Variants in ABCC5 observed in about 807,000 individuals in gnomAD.
ABCC5 encodes ATP-binding cassette sub-family C member 5.
ABCC5 carries 61 observed loss-of-function variants against 160.9 expected under a neutral mutation model. That is an observed-to-expected ratio of 0.38 (90% CI 0.31 to 0.47). The LOEUF (loss-of-function observed/expected upper bound fraction) is 0.47. Ranked by LOEUF, ABCC5 falls within the 20% of genes least tolerant of loss-of-function variation. The pLI, the probability that ABCC5 is intolerant of heterozygous loss-of-function variation, is 0.99. For synonymous variants in ABCC5, 666 were observed against 700.6 expected (o/e 0.95, Z 0.78); for missense variants, 1,308 against 1,813.3 (o/e 0.72, Z 5.06).
chr3:183,968,864 C>T (rs1367272981), intron 11 of ABCC5, among the ~76,000 whole-genome samples: 1 of 152,192 alleles, frequency 6.6e-6, no homozygotes, highest in Non-Finnish European at 1.5e-5. Context: ...GTGACTTAAC[C>T]TAATACTGTG....
intron 2 of ABCC5, among the ~76,000 whole-genome samples, chr3:184,000,084 C>T (rs1328229925): frequency 4.0e-5 from 6 of 151,734 alleles, no homozygotes; most frequent in Admixed American, 2.6e-4. Context: ...AGTGGCTGGG[C>T]GCGGCGGCTC....
chr3:183,994,617 G>A (rs531178237), intron 2 of ABCC5, among the ~76,000 whole-genome samples: 17 of 152,204 alleles, frequency 1.1e-4, no homozygotes, highest in South Asian at 8.3e-4. Flanking sequence ...CTAGTGATCC[G>A]CCTGCCTTGG....
chr3:183,973,454 C>T (rs146403988), intron 10 of ABCC5, among the ~76,000 whole-genome samples: 3 of 152,148 alleles, frequency 2.0e-5, no homozygotes, highest in South Asian at 2.1e-4. Flanking sequence ...TTAAACATTA[C>T]AAAATCTTTA....
intron 5 of ABCC5, 36 bp from the exon 6 acceptor site, chr3:183,983,043 C>T (rs577005814): frequency 9.8e-6 from 15 of 1,532,166 alleles, no homozygotes; most frequent in East Asian, 2.3e-5. Context: ...TCAACATCTC[C>T]ACGGCACTCA....
chr3:184,009,722 C>A (rs1721537385), intron 2 of ABCC5, among the ~76,000 whole-genome samples: 1 of 152,118 alleles, frequency 6.6e-6, no homozygotes, highest in Non-Finnish European at 1.5e-5. Context: ...CTTGAATAAA[C>A]CTATGGGCTT....
chr3:184,011,538 C>A (rs1721743740), intron 2 of ABCC5: 1 of 152,164 alleles, frequency 6.6e-6, no homozygotes, highest in African/African-American at 2.4e-5. Context: ...CCAGCAAGCG[C>A]AGTCCTGGGC....
In ABCC5 at chr3:184,008,628, A is replaced by G. The variant is rs75618758; in HGVS notation, c.129+5636T>C. Among the ~76,000 whole-genome samples, 646 of 152,386 alleles carry G rather than the reference A, an allele frequency of 4.2e-3. 6 individuals carry two copies. Among genetic ancestry groups the G allele is most frequent in the African/African-American group, 0.015 (620 of 41,594 alleles). On this transcript the variant is annotated intron_variant, in intron 2 of 29. Coordinates refer to ENST00000334444, the MANE Select transcript of ABCC5 (RefSeq NM_005688.4). ...TTTATTTCAACCCTAATTATTTCTA[A>G]GCATACGTGAGAAATTATAAATATT... is the stretch of plus-strand genomic sequence containing the variant.
At chr3:183,964,880 C>T (rs1194714582) in intron 14 of ABCC5, among the ~76,000 whole-genome samples, 1 of 152,202 alleles carries the variant, frequency 6.6e-6, no homozygotes, top group Non-Finnish European at 1.5e-5. Context: ...AAGGAAGATG[C>T]TCAACATGCA....
At chr3:183,977,972 C>T (rs2108846597) in intron 9 of ABCC5, among the ~76,000 whole-genome samples, 1 of 152,268 alleles carries the variant, frequency 6.6e-6, no homozygotes, top group Admixed American at 6.5e-5. Flanking sequence ...AGGCTGGTCT[C>T]AAACTTCTGA....
At chr3:183,924,470 A>G (rs766103806) in intron 29 of ABCC5, among the ~76,000 whole-genome samples, 2 of 152,240 alleles carry the variant, frequency 1.3e-5, no homozygotes, top group African/African-American at 2.4e-5. Context: ...GACACACAGT[A>G]AACATTCAGT....
Position 183,963,445 on chromosome 3 carries a change from A to G in ABCC5, c.2175T>C (p.Asn725=). 5 of 1,614,250 alleles carry G rather than the reference A, an allele frequency of 3.1e-6. No homozygotes were observed. The highest frequency in any genetic ancestry group is 2.5e-6 in the Non-Finnish European group (3 of 1,180,042). ...ACTTGAGATGTTTCCGGATAGCACT[A>G]TTGAAGATGTGGTTGCCCACATGGG... ...LDAHVGNHIF[N]SAIRKHLKSK... Residue 725 remains asparagine (N), a synonymous_variant, in exon 15 of 30, where the codon AAT becomes AAC. Transcript: ENST00000334444. The surrounding 1 kb of genome is among the most constrained non-coding windows in gnomAD (Gnocchi z 4.6).
intron 3 of ABCC5, 107 bp downstream of exon 3, chr3:183,989,119 C>T (rs377308516): frequency 3.1e-5 from 37 of 1,175,196 alleles, no homozygotes; most frequent in Middle Eastern, 4.9e-4. Context: ...TGCAGTGAGC[C>T]GAGATCATGC....
At chr3:183,996,354 T>C (rs1720284975) in intron 2 of ABCC5, among the ~76,000 whole-genome samples, 1 of 152,210 alleles carries the variant, frequency 6.6e-6, no homozygotes, top group South Asian at 2.1e-4. Context: ...TTTCATTTTC[T>C]TCATTTCTAA....
At position 183,921,437 on chromosome 3, in the gene ABCC5, TG is replaced by T; in HGVS notation, c.4213-37del. On this transcript the variant is annotated intron_variant, in intron 29 of 29. Transcript: ENST00000334444. This position sits in a 1 kb window ranked among gnomAD's most constrained non-coding sequence, Gnocchi z 4.1. Reference sequence around the variant, plus strand: ...AGGAGACGCCGTCAGGACACAGCTCTGGGTCATGCAGGGTGATTCAGAGGAT... The same window carrying T: ...AGGAGACGCCGTCAGGACACAGCTCTGGTCATGCAGGGTGATTCAGAGGAT... 1 of 1,599,566 alleles carries T rather than the reference TG, an allele frequency of 6.3e-7. No individual in the cohort carries two copies. Among genetic ancestry groups the T allele is most frequent in the South Asian group, 1.1e-5 (1 of 88,756 alleles).
chr3:184,009,907 G>A (rs972550405), intron 2 of ABCC5: 5 of 406,628 alleles, frequency 1.2e-5, no homozygotes, highest in Non-Finnish European at 2.0e-5. Flanking sequence ...CCAGCACTTT[G>A]GGAGGCTGAG....
intron 22 of ABCC5, 76 bp from the exon 23 acceptor site, chr3:183,947,586 A>T (rs1714967092): frequency 8.4e-7 from 1 of 1,186,342 alleles, no homozygotes; most frequent in Non-Finnish European, 1.2e-6. Flanking sequence ...TCAGCGAATC[A>T]GATGATGGAG....
chr3:183,987,629 C>T lies in ABCC5; in HGVS notation c.591+141G>A. On this transcript the variant is annotated intron_variant, in intron 5 of 29. Coordinates refer to ENST00000334444, the MANE Select transcript of ABCC5 (RefSeq NM_005688.4). This position sits in a 1 kb window ranked among gnomAD's most constrained non-coding sequence, Gnocchi z 4.2. Reference sequence around the variant, plus strand: ...TCCAGCTGTTGCCAAAATCCATCGACCCCTTTCAACAGACCTGAAGGCATC... The same window carrying T: ...TCCAGCTGTTGCCAAAATCCATCGATCCCTTTCAACAGACCTGAAGGCATC... 5 of 1,139,908 alleles carry T rather than the reference C, an allele frequency of 4.4e-6. No homozygotes were observed. Among genetic ancestry groups the T allele is most frequent in the South Asian group, 1.3e-5 (1 of 75,836 alleles). The allele number at this position is 1,139,908 out of a possible 1,614,324, so 70.6% of individuals were successfully genotyped here. A position where few individuals can be genotyped will look rare whatever the true frequency, so the allele number is the denominator to read the frequency against.
chr3:183,998,512 C>T (rs1037356375), intron 2 of ABCC5, among the ~76,000 whole-genome samples: 8 of 152,136 alleles, frequency 5.3e-5, no homozygotes, highest in Non-Finnish European at 1.0e-4. Context: ...AAATGGTTTA[C>T]AGATACTAAC....
chr3:183,949,662 C>A lies in ABCC5; in HGVS notation c.3227+91G>T. ...CCCTTGGTAATGAGGTTTATAATCCCCATCTCTGGCCTTGAAGAGCCTCCC... is the reference window on the plus strand; with the variant it reads ...CCCTTGGTAATGAGGTTTATAATCCACATCTCTGGCCTTGAAGAGCCTCCC... On this transcript the variant is annotated intron_variant, in intron 22 of 29. Coordinates refer to ENST00000334444, the MANE Select transcript of ABCC5 (RefSeq NM_005688.4). The surrounding 1 kb of genome is among the most constrained non-coding windows in gnomAD (Gnocchi z 4.2). 2 of 1,473,012 alleles carry A rather than the reference C, an allele frequency of 1.4e-6. No individual in the cohort carries two copies. Among genetic ancestry groups the A allele is most frequent in the South Asian group, 1.3e-5 (1 of 75,430 alleles). The allele number at this position is 1,473,012 out of a possible 1,614,324, so 91.2% of individuals were successfully genotyped here.
Sources: allele counts gnomAD v4.1 joint callset (sites outside exome capture counted in the v4.1 genomes callset), GRCh38; gene constraint gnomAD v4.1.1; non-coding constraint Gnocchi (gnomAD v3.1); transcripts MANE v1.5; gene names NCBI Gene and HGNC (gene_info 2026-07-23, HGNC 2026-07-21).